UBE2G2: variants seen among roughly 807,000 people sequenced by gnomAD.
UBE2G2 encodes the protein ubiquitin-conjugating enzyme E2 G2.
In UBE2G2, 10 loss-of-function variants were observed where a neutral mutation model predicts 23.0. The ratio of observed to expected loss-of-function variants is 0.43; its 90% CI spans 0.27 to 0.74. The LOEUF is 0.74. Among genes scored for constraint, UBE2G2 ranks in the 30% least tolerant of loss-of-function variants. The pLI is 0.19. For synonymous variants in UBE2G2, 86 were observed against 81.3 expected (o/e 1.06, Z -0.31); for missense variants, 150 against 218.3 (o/e 0.69, Z 1.97).
At chr21:44,785,425 A>C (rs150204628) in intron 3 of UBE2G2, among the ~76,000 whole-genome samples, 43 of 152,350 alleles carry the variant, frequency 2.8e-4, no homozygotes, top group African/African-American at 9.9e-4. Context: ...TAAAGATTTC[A>C]GTGCATCTTT....
rs151106966 is a variant in UBE2G2 at position 44,771,395 on chromosome 21, C to T, written c.480G>A (p.Gln160=). The stretch of plus-strand genomic sequence containing the variant: ...CCAGGTCTCACAGTCCCAGAGACTT[C>T]TGGACGATCTGCTTGGCAATCTTAT... ...QFYKIAKQIV[Q]KSLGL is the part of the protein sequence containing the mutation. The change falls in exon 6 of 6, where the codon CAG becomes CAA. Residue 160 remains glutamine (Q), a synonymous_variant. Coordinates refer to ENST00000345496, the MANE Select transcript of UBE2G2 (RefSeq NM_003343.6). This position sits in a 1 kb window ranked among gnomAD's most constrained non-coding sequence, Gnocchi z 4.6. The T allele has an allele frequency of 7.4e-6, 12 of 1,612,858 alleles. No homozygotes were observed. In the African/African-American group the frequency reaches 1.3e-4, roughly 18 times the overall value.
intron 3 of UBE2G2, among the ~76,000 whole-genome samples, chr21:44,782,683 G>T (rs2082965757): frequency 6.6e-6 from 1 of 152,182 alleles, no homozygotes; most frequent in African/African-American, 2.4e-5. Context: ...ATTATGCAAT[G>T]GGGAAAGAAC....
chr21:44,780,310 C>T (rs1397190516), intron 3 of UBE2G2, among the ~76,000 whole-genome samples: 2 of 152,242 alleles, frequency 1.3e-5, no homozygotes, highest in Non-Finnish European at 2.9e-5. Context: ...ATGGAACATG[C>T]CTTCCAGGCA....
chr21:44,783,726 C>A (rs2329900), intron 3 of UBE2G2, among the ~76,000 whole-genome samples: 55,120 of 152,132 alleles, frequency 0.36, 10,574 homozygotes, highest in South Asian at 0.45. Context: ...ACTGTCTGCA[C>A]ATAGACATAA....
intron 1 of UBE2G2, among the ~76,000 whole-genome samples, chr21:44,788,559 G>A (rs782786480): frequency 7.2e-5 from 11 of 152,076 alleles, no homozygotes; most frequent in Non-Finnish European, 1.6e-4. Flanking sequence ...AAAGTGCTGG[G>A]ATTACAGGCA....
rs373739094 is a variant in UBE2G2 at position 44,790,396 on chromosome 21, C to T, written c.44-2301G>A. ...TGTGAATGTTCATAGTAGCTAAATT[C>T]GTAATAGCCCCAAACTGGAAACAAC... On this transcript the variant is annotated intron_variant, in intron 1 of 5. Transcript: ENST00000345496. 1.0e-3 allele frequency among the ~76,000 whole-genome samples: 156 copies of T among 152,290 alleles called. 1 individual carries two copies. The highest frequency in any genetic ancestry group is 4.8e-3 in the South Asian group (23 of 4,826).
chr21:44,783,248 G>A (rs1555961529), intron 3 of UBE2G2, among the ~76,000 whole-genome samples: 1 of 152,206 alleles, frequency 6.6e-6, no homozygotes, highest in African/African-American at 2.4e-5. Context: ...AAGAACAGCT[G>A]TTATCAGACA....
chr21:44,774,073 T>C (rs550812184), intron 4 of UBE2G2: 1 of 161,710 alleles, frequency 6.2e-6, no homozygotes, highest in Admixed American at 6.3e-5. Context: ...CCTTAGCTAT[T>C]TCTAATTCTA....
At position 44,771,172 on chromosome 21, in the gene UBE2G2, T is replaced by A. The variant is rs1398949670; in HGVS notation, c.*205A>T. On this transcript the variant is annotated 3_prime_UTR_variant, in exon 6 of 6. Transcript: ENST00000345496. This position sits in a 1 kb window ranked among gnomAD's most constrained non-coding sequence, Gnocchi z 4.6. ...TGTGAGGAATACTGTAAAACTGCAG[T>A]AAGCTGTCAATATTCGACATTAAGT... 3.5e-6 allele frequency: 2 copies of A among 569,536 alleles called. No homozygotes were observed. Among genetic ancestry groups the A allele is most frequent in the African/African-American group, 3.8e-5 (2 of 52,990 alleles). 35.3% of individuals were successfully genotyped at this position (569,536 alleles called of 1,614,324 possible). A position where few individuals can be genotyped will look rare whatever the true frequency, so the allele number is the denominator to read the frequency against.
chr21:44,795,574 A>G (rs184633), intron 1 of UBE2G2, among the ~76,000 whole-genome samples: 119,341 of 151,670 alleles, frequency 0.79, 47,534 homozygotes, highest in African/African-American at 0.92. Flanking sequence ...AGAGGCTGCC[A>G]TGAGCCATGA....
At chr21:44,799,060 T>C (rs1269845992) in intron 1 of UBE2G2, among the ~76,000 whole-genome samples, 13 of 152,212 alleles carry the variant, frequency 8.5e-5, no homozygotes, top group East Asian at 3.8e-4. Context: ...CTGTCAGGAA[T>C]AGTATTTTGA....
intron 4 of UBE2G2, chr21:44,776,889 C>CA (rs1601179538): frequency 6.3e-6 from 1 of 159,310 alleles, no homozygotes; most frequent in East Asian, 1.9e-4. Flanking sequence ...TCTTTATTAG[C>CA]AGCGTGACAA....
chr21:44,787,388 A>G (rs1555962236), intron 3 of UBE2G2, among the ~76,000 whole-genome samples: 2 of 152,224 alleles, frequency 1.3e-5, no homozygotes, highest in Non-Finnish European at 2.9e-5. Context: ...GAAAGAACAC[A>G]AGGCCAACAA....
intron 3 of UBE2G2, among the ~76,000 whole-genome samples, chr21:44,780,632 T>G (rs1407636508): frequency 3.9e-5 from 6 of 152,058 alleles, no homozygotes; most frequent in African/African-American, 1.5e-4. Flanking sequence ...CAGCTCAGAC[T>G]GTTTTGCTGT....
In UBE2G2 at chr21:44,787,984, T is replaced by A; in HGVS notation, c.80-19A>T. The A allele has an allele frequency of 3.7e-6, 6 of 1,612,100 alleles. No homozygotes were observed. The highest frequency in any genetic ancestry group is 5.1e-6 in the Non-Finnish European group (6 of 1,179,474). ...ATGGGGCCTGTAGGGTGAGAAAAAA[T>A]TTCACAACATTTTAACTTTGAAGGA... On this transcript the variant is annotated intron_variant, in intron 2 of 5. Coordinates refer to ENST00000345496, the MANE Select transcript of UBE2G2 (RefSeq NM_003343.6).
At chr21:44,778,768 C>T (rs1019745556) in intron 3 of UBE2G2, among the ~76,000 whole-genome samples, 1 of 152,184 alleles carries the variant, frequency 6.6e-6, no homozygotes, top group Non-Finnish European at 1.5e-5. Flanking sequence ...GGTCAGTAAA[C>T]CCGTTCTCCG....
In UBE2G2 at chr21:44,771,595, G is replaced by A; in HGVS notation, c.386-106C>T. 3 of 1,206,354 alleles carry A rather than the reference G, an allele frequency of 2.5e-6. No individual in the cohort carries two copies. The South Asian group carries it at 3.9e-5, about 16-fold the overall frequency. The allele number at this position is 1,206,354 out of a possible 1,614,324, so 74.7% of individuals were successfully genotyped here. ...ACACTGGCGGGGGCTTTCAAGAGCT[G>A]TGTCCCAGAAACAAAGAACCTGAGA... On this transcript the variant is annotated intron_variant, in intron 5 of 5. Coordinates refer to ENST00000345496, the MANE Select transcript of UBE2G2 (RefSeq NM_003343.6). The surrounding 1 kb of genome is among the most constrained non-coding windows in gnomAD (Gnocchi z 4.6).
chr21:44,801,610 T>TCCCCCGCCAGGCTCCCTGCC, intron 1 of UBE2G2, 96 bp downstream of exon 1: 1 of 1,398,402 alleles, frequency 7.2e-7, no homozygotes, highest in Non-Finnish European at 9.3e-7. Context: ...CGGGCCCGGC[T>TCCCCCGCCAGGCTCCCTGCC]CCCCCGCCAG....
intron 3 of UBE2G2, among the ~76,000 whole-genome samples, chr21:44,781,436 G>C (rs1259376358): frequency 1.3e-5 from 2 of 152,236 alleles, no homozygotes; most frequent in Non-Finnish European, 2.9e-5. Context: ...CAGGACAGCA[G>C]GACCAAGGTG....
Sources: allele counts gnomAD v4.1 joint callset (sites outside exome capture counted in the v4.1 genomes callset), GRCh38; gene constraint gnomAD v4.1.1; non-coding constraint Gnocchi (gnomAD v3.1); transcripts MANE v1.5; gene names NCBI Gene and HGNC (gene_info 2026-07-23, HGNC 2026-07-21).